Variants in LRP2 observed in about 807,000 individuals in gnomAD.
LRP2 encodes the protein LDL receptor related protein 2.
In LRP2, 172 loss-of-function variants were observed where a neutral mutation model predicts 531.0. The observed-to-expected ratio is 0.32, with a 90% CI of 0.29 to 0.37. LRP2 has a LOEUF of 0.37. Ranked by LOEUF, LRP2 falls within the 10% of genes least tolerant of loss-of-function variation. LRP2 has a pLI of 1.00. For synonymous variants in LRP2, 1,992 were observed against 2,027.6 expected, an observed-to-expected ratio of 0.98 and a Z score of 0.47; for missense variants, 5,167 against 5,868.3, an observed-to-expected ratio of 0.88 and a Z score of 3.90.
rs528016062 is a variant in LRP2, at chr2:169,127,614, C to T, written c.*1049G>A. The T allele has an allele frequency of 1.8e-3, 263 of 148,274 alleles. 1 individual carries two copies. The highest frequency in any genetic ancestry group is 3.2e-3 in the Non-Finnish European group (215 of 67,232). The allele number at this position is 148,274 out of a possible 1,614,324, so 9.2% of individuals were successfully genotyped here. ...CAGTACATTCTAATATAAATGTACA[C>T]ATTTAGCCACAGGGCCTAATAAAAA... On this transcript the variant is annotated 3_prime_UTR_variant, in exon 79 of 79. Coordinates refer to ENST00000649046, the MANE Select transcript of LRP2 (RefSeq NM_004525.3).
intron 3 of LRP2, among the ~76,000 whole-genome samples, chr2:169,311,802 T>C (rs1461530203): frequency 6.6e-6 from 1 of 152,220 alleles, no homozygotes; most frequent in Admixed American, 6.5e-5. Flanking sequence ...CAGTGGGGTG[T>C]TAAAGTCTCC....
intron 63 of LRP2, among the ~76,000 whole-genome samples, chr2:169,158,061 T>TATATAC (rs71397692): frequency 2.2e-4 from 31 of 141,480 alleles, no homozygotes; most frequent in African/African-American, 6.5e-4. Context: ...ATTGATTATA[T>TATATAC]ACACACACAC....
At chr2:169,243,772 A>T (rs755681902) in intron 22 of LRP2, among the ~76,000 whole-genome samples, 1 of 152,312 alleles carries the variant, frequency 6.6e-6, no homozygotes, top group South Asian at 2.1e-4. Context: ...AAAATAGACC[A>T]CATTCAGAAA....
intron 1 of LRP2, among the ~76,000 whole-genome samples, chr2:169,332,973 C>T (rs1435648885): frequency 6.6e-6 from 1 of 152,124 alleles, no homozygotes; most frequent in East Asian, 1.9e-4. Flanking sequence ...TAGTGATGGG[C>T]ATGTATGGCT....
intron 1 of LRP2, among the ~76,000 whole-genome samples, chr2:169,350,303 C>T (rs1685812304): frequency 6.6e-6 from 1 of 152,110 alleles, no homozygotes; most frequent in African/African-American, 2.4e-5. Context: ...TGACTATTGG[C>T]CAGCCAGGTG....
intron 13 of LRP2, 43 bp downstream of exon 13, chr2:169,277,702 C>A: frequency 6.4e-7 from 1 of 1,556,868 alleles, no homozygotes; most frequent in East Asian, 2.2e-5. Context: ...ATGCACTTTC[C>A]CTGCAACTTA....
intron 49 of LRP2, among the ~76,000 whole-genome samples, chr2:169,186,805 A>G (rs1400797233): frequency 1.3e-5 from 2 of 152,232 alleles, no homozygotes; most frequent in Non-Finnish European, 2.9e-5. Context: ...TTCGTCTTCA[A>G]GCTAAAAATT....
rs1688201696 is a variant in LRP2, at chr2:169,201,519, T to C, written c.8452+109A>G. 6 of 1,468,284 alleles carry C rather than the reference T, an allele frequency of 4.1e-6. No homozygotes were observed. In the Admixed American group the frequency reaches 5.7e-5, roughly 14 times the overall value. The allele number at this position is 1,468,284 out of a possible 1,614,324, so 91.0% of individuals were successfully genotyped here. A position where few individuals can be genotyped will look rare whatever the true frequency, so the allele number is the denominator to read the frequency against. ...GCCAAAAATTTACGTTTTAGATAAA[T>C]ACTTAGGGTTTTTATTTTTGGAAAG... On this transcript the variant is annotated intron_variant, in intron 44 of 78. Transcript: ENST00000649046.
intron 16 of LRP2, among the ~76,000 whole-genome samples, chr2:169,262,320 C>T (rs4249429): frequency 4.1e-3 from 250 of 60,962 alleles, no homozygotes; most frequent in African/African-American, 0.01. Flanking sequence ...TGTTTGCAGA[C>T]GACATGATGG....
Position 169,149,240 on chromosome 2 carries a change from T to C in LRP2, c.12590+1658A>G, listed in dbSNP as rs1686035704. On this transcript the variant is annotated intron_variant, in intron 68 of 78. Transcript: ENST00000649046. ...TAGCTGGCACACAGCAAGAATAGAA[T>C]AAATGTTGGCACTTCTCATTGCTGT... Among the ~76,000 whole-genome samples, 4 of 152,338 alleles carry C rather than the reference T, an allele frequency of 2.6e-5. No homozygotes were observed. In the South Asian group the frequency reaches 6.2e-4, roughly 24 times the overall value.
intron 61 of LRP2, 143 bp from the exon 62 acceptor site, chr2:169,166,197 C>T: frequency 2.5e-6 from 2 of 798,272 alleles, no homozygotes; most frequent in Non-Finnish European, 2.1e-6. Flanking sequence ...GCAGATACAC[C>T]TTACATGTAT....
At chr2:169,233,688 CA>C in intron 29 of LRP2, 100 bp from the exon 30 acceptor site, 1 of 1,040,654 alleles carries the variant, frequency 9.6e-7, no homozygotes. Context: ...TTTCCTTTAA[CA>C]TGTCATTATT....
chr2:169,272,524 T>C (rs760460371), intron 15 of LRP2, among the ~76,000 whole-genome samples: 5 of 152,006 alleles, frequency 3.3e-5, no homozygotes, highest in African/African-American at 4.8e-5. Flanking sequence ...TGGGGAGAAG[T>C]ACAGTACTTC....
At chr2:169,167,899 G>A (rs1686840934) in intron 61 of LRP2, among the ~76,000 whole-genome samples, 1 of 151,122 alleles carries the variant, frequency 6.6e-6, no homozygotes, top group South Asian at 2.1e-4. Flanking sequence ...CATTCTTGGA[G>A]ATTCTGCTCC....
chr2:169,193,032 A>G (rs150176377), intron 47 of LRP2, among the ~76,000 whole-genome samples: 44 of 152,338 alleles, frequency 2.9e-4, no homozygotes, highest in African/African-American at 1.0e-3. Flanking sequence ...ATGATGTTCC[A>G]TTATCTACTC....
chr2:169,151,075 A>G (rs749846755), intron 67 of LRP2, 49 bp from the exon 68 acceptor site: 1 of 1,603,900 alleles, frequency 6.2e-7, no homozygotes, highest in East Asian at 2.2e-5. Context: ...TAGAGTAATC[A>G]TTACTGGGTA....
At chr2:169,163,516 G>C (rs899958690) in intron 62 of LRP2, among the ~76,000 whole-genome samples, 1 of 152,132 alleles carries the variant, frequency 6.6e-6, no homozygotes, top group African/African-American at 2.4e-5. Context: ...GGATGTAAGT[G>C]ACAATAAGTT....
chr2:169,161,927 G>T (rs1445528109), intron 63 of LRP2, among the ~76,000 whole-genome samples: 4 of 152,070 alleles, frequency 2.6e-5, no homozygotes, highest in Non-Finnish European at 4.4e-5. Context: ...AAGTTCCAGG[G>T]TACATGTGCA....
rs575222955 is a variant in LRP2, at chr2:169,216,325, G to C, written c.5754C>G (p.Leu1918=). The C allele has an allele frequency of 6.2e-7, 1 of 1,613,640 alleles. No individual in the cohort carries two copies. Among genetic ancestry groups the C allele is most frequent in the Non-Finnish European group, 8.5e-7 (1 of 1,179,708 alleles). ...CAAGAGTGACACACTCCAGGTGTTCGAGGTTCCCAGTAAAGAGAGTTTTCA... is the reference window on the plus strand; with the variant it reads ...CAAGAGTGACACACTCCAGGTGTTCCAGGTTCCCAGTAAAGAGAGTTTTCA... ...TSVKTLFTGN[L]EHLECVTLDI... The change falls in exon 35 of 79, where the codon CTC becomes CTG. Residue 1918 remains leucine (L), a synonymous_variant. Coordinates refer to ENST00000649046, the MANE Select transcript of LRP2 (RefSeq NM_004525.3).
Sources: allele counts gnomAD v4.1 joint callset (sites outside exome capture counted in the v4.1 genomes callset), GRCh38; gene constraint gnomAD v4.1.1; transcripts MANE v1.5; gene names NCBI Gene and HGNC (gene_info 2026-07-23, HGNC 2026-07-21).